Variants in NEURL1 observed in about 807,000 individuals in gnomAD.
NEURL1 encodes the protein neuralized E3 ubiquitin protein ligase 1.
NEURL1 carries 26 observed loss-of-function variants against 41.2 expected under a neutral mutation model. The ratio of observed to expected loss-of-function variants is 0.63; its 90% CI spans 0.46 to 0.87. NEURL1 has a LOEUF of 0.87. Among genes scored for constraint, NEURL1 ranks in the 40% least tolerant of loss-of-function variants. The pLI is 0.00. For synonymous variants in NEURL1, 400 were observed against 402.3 expected, an observed-to-expected ratio of 0.99 and a Z score of 0.07; for missense variants, 761 against 871.1, an observed-to-expected ratio of 0.87 and a Z score of 1.59.
chr10:103,505,311 T>G (rs2033923129), intron 1 of NEURL1, among the ~76,000 whole-genome samples: 1 of 150,852 alleles, frequency 6.6e-6, no homozygotes, highest in Non-Finnish European at 1.5e-5. Flanking sequence ...GCAACCTCCA[T>G]GTCTGGGTTC....
Position 103,559,512 on chromosome 10 carries a change from A to AGG in NEURL1, c.86-11358_86-11357dup, listed in dbSNP as rs777082741. Among the ~76,000 whole-genome samples, 69 of 148,760 alleles carry AGG rather than the reference A, an allele frequency of 4.6e-4. 1 individual carries two copies. Among genetic ancestry groups the AGG allele is most frequent in the Non-Finnish European group, 2.5e-4 (17 of 67,112 alleles). ...GGGTAGCCATCAGGGAGGTGAGGCCAGGGCTGGGCAGTGAGGCCAGGCAGT... is the reference window on the plus strand; with the variant it reads ...GGGTAGCCATCAGGGAGGTGAGGCCAGGGGGCTGGGCAGTGAGGCCAGGCAGT... On this transcript the variant is annotated intron_variant, in intron 1 of 5. Transcript: ENST00000369780.
At chr10:103,561,801 C>T (rs2035298772) in intron 1 of NEURL1, among the ~76,000 whole-genome samples, 2 of 152,164 alleles carry the variant, frequency 1.3e-5, no homozygotes, top group African/African-American at 4.8e-5. Context: ...TCATGGCCTT[C>T]CTTATCTGCT....
At chr10:103,575,605 G>A (rs372930734) in intron 3 of NEURL1, among the ~76,000 whole-genome samples, 1 of 150,920 alleles carries the variant, frequency 6.6e-6, no homozygotes, top group Admixed American at 6.6e-5. Context: ...CCCAGTGGAC[G>A]GTCCTCCCTG....
chr10:103,552,965 G>C (rs928266299), intron 1 of NEURL1, among the ~76,000 whole-genome samples: 11 of 152,326 alleles, frequency 7.2e-5, no homozygotes, highest in Admixed American at 6.5e-4. Flanking sequence ...GTGATGGGAA[G>C]GGGGCATTCC....
At chr10:103,513,540 C>T (rs997878477) in intron 1 of NEURL1, among the ~76,000 whole-genome samples, 5 of 152,212 alleles carry the variant, frequency 3.3e-5, no homozygotes, top group Non-Finnish European at 7.3e-5. Context: ...TGCGGACAGC[C>T]GCGAGCCACG....
At position 103,590,625 on chromosome 10, in the gene NEURL1, A is replaced by T. The variant is rs1212848618; in HGVS notation, c.*253A>T. The T allele has an allele frequency of 3.7e-6, 2 of 542,998 alleles. No individual in the cohort carries two copies. Among genetic ancestry groups the T allele is most frequent in the East Asian group, 6.3e-5 (2 of 31,638 alleles). 33.6% of individuals were successfully genotyped at this position (542,998 alleles called of 1,614,324 possible). On this transcript the variant is annotated 3_prime_UTR_variant, in exon 6 of 6. Coordinates refer to ENST00000369780, the MANE Select transcript of NEURL1 (RefSeq NM_004210.5). ...CTCTCCCTGTCTCTCCCGTCTCTGC[A>T]CCCAGCTCCTCTCTGCATGCTGAGG...
intron 1 of NEURL1, among the ~76,000 whole-genome samples, chr10:103,549,552 C>A (rs565178347): frequency 6.6e-6 from 1 of 152,204 alleles, no homozygotes; most frequent in Admixed American, 6.5e-5. Context: ...CTGCCAGGCC[C>A]AGCCTAATGA....
intron 4 of NEURL1, among the ~76,000 whole-genome samples, chr10:103,588,231 G>A (rs1361544810): frequency 6.6e-6 from 1 of 151,794 alleles, no homozygotes; most frequent in African/African-American, 2.4e-5. Flanking sequence ...GTGTGAACCC[G>A]GGAGGTGGAG....
At chr10:103,576,110 G>A (rs2035657474) in intron 3 of NEURL1, among the ~76,000 whole-genome samples, 1 of 152,196 alleles carries the variant, frequency 6.6e-6, no homozygotes, top group Admixed American at 6.5e-5. Flanking sequence ...TTTCCCTGGG[G>A]GACACATCAT....
Position 103,558,033 on chromosome 10 carries a change from C to A in NEURL1, c.86-12839C>A. On this transcript the variant is annotated intron_variant, in intron 1 of 5. Transcript: ENST00000369780. This position sits in a 1 kb window ranked among gnomAD's most constrained non-coding sequence, Gnocchi z 4.2. Reference sequence around the variant, plus strand: ...AGCTGGGATCACAGGCACCCACCACCATGCCCGGCTAATTTTTTGTATTTT... The same window carrying A: ...AGCTGGGATCACAGGCACCCACCACAATGCCCGGCTAATTTTTTGTATTTT... 4.7e-6 allele frequency: 1 copy of A among 214,418 alleles called. No homozygotes were observed. Among genetic ancestry groups the A allele is most frequent in the African/African-American group, 2.3e-5 (1 of 42,734 alleles). The allele number at this position is 214,418 out of a possible 1,614,324, so 13.3% of individuals were successfully genotyped here.
At position 103,507,595 on chromosome 10, in the gene NEURL1, C is replaced by A. The variant is rs531425185; in HGVS notation, c.85+13123C>A. Among the ~76,000 whole-genome samples the A allele has an allele frequency of 2.0e-5, 3 of 152,236 alleles. No individual in the cohort carries two copies. In the East Asian group the frequency reaches 5.8e-4, roughly 29 times the overall value. On this transcript the variant is annotated intron_variant, in intron 1 of 5. Coordinates refer to ENST00000369780, the MANE Select transcript of NEURL1 (RefSeq NM_004210.5). ...GCAGTGGTCAACATGCACCTGGGGG[C>A]TCTGTGGAAGGTCAGGGTGTGCACA...
At chr10:103,498,069 A>G (rs2033728965) in intron 1 of NEURL1, among the ~76,000 whole-genome samples, 1 of 152,160 alleles carries the variant, frequency 6.6e-6, no homozygotes, top group Non-Finnish European at 1.5e-5. Context: ...AATAGAAAGT[A>G]TATGTATATG....
chr10:103,571,592 A>C lies in NEURL1; in HGVS notation c.419A>C (p.Lys140Thr). 1 of 1,613,988 alleles carries C rather than the reference A, an allele frequency of 6.2e-7. No homozygotes were observed. Among genetic ancestry groups the C allele is most frequent in the African/African-American group, 1.3e-5 (1 of 75,044 alleles). ...PSRIHPDSLP[K>T]YACPDLVSQS... ...CGCATCCACCCTGACTCGCTGCCCA[A>C]GTACGCCTGCCCCGACCTGGTGTCC... is the stretch of plus-strand genomic sequence containing the variant. The change falls in exon 3 of 6, where the codon AAG becomes ACG. Residue 140 changes from lysine (K) to threonine (T), a missense_variant. Physicochemically the swap from Lys to Thr is moderately conservative, Grantham distance 78 (BLOSUM62 -1). Coordinates refer to ENST00000369780, the MANE Select transcript of NEURL1 (RefSeq NM_004210.5).
chr10:103,575,489 T>G (rs907082830), intron 3 of NEURL1, among the ~76,000 whole-genome samples: 1 of 152,236 alleles, frequency 6.6e-6, no homozygotes, highest in Non-Finnish European at 1.5e-5. Context: ...TGTTTGTTCC[T>G]TAGACCAGAG....
At chr10:103,512,371 T>G (rs2034092904) in intron 1 of NEURL1, among the ~76,000 whole-genome samples, 4 of 152,204 alleles carry the variant, frequency 2.6e-5, no homozygotes, top group African/African-American at 7.2e-5. Context: ...AGTGACAGTG[T>G]GGCCTGAGGC....
At chr10:103,522,335 T>A (rs946881980) in intron 1 of NEURL1, among the ~76,000 whole-genome samples, 10 of 151,884 alleles carry the variant, frequency 6.6e-5, no homozygotes, top group African/African-American at 2.4e-4. Flanking sequence ...TTGCCAGGGA[T>A]GGTGGCTCAC....
Position 103,522,068 on chromosome 10 carries a change from G to A in NEURL1, c.85+27596G>A, listed in dbSNP as rs542783584. 6.0e-4 allele frequency among the ~76,000 whole-genome samples: 92 copies of A among 152,290 alleles called. 1 individual carries two copies. Among genetic ancestry groups the A allele is most frequent in the South Asian group, 1.2e-3 (6 of 4,822 alleles). The stretch of plus-strand genomic sequence containing the variant: ...CTCAGTGGGGGAGCTTCTGAGCCAG[G>A]AGGAGGAATTTCACAAGGTTAATCA... On this transcript the variant is annotated intron_variant, in intron 1 of 5. Coordinates refer to ENST00000369780, the MANE Select transcript of NEURL1 (RefSeq NM_004210.5).
intron 1 of NEURL1, chr10:103,555,249 C>T: frequency 1.0e-6 from 1 of 990,064 alleles, no homozygotes; most frequent in Non-Finnish European, 1.2e-6. Flanking sequence ...CGGGAGGGGC[C>T]TCGGCCCTGC....
At chr10:103,579,932 C>T (rs1003183829) in intron 3 of NEURL1, among the ~76,000 whole-genome samples, 24 of 152,098 alleles carry the variant, frequency 1.6e-4, no homozygotes, top group African/African-American at 1.9e-4. Flanking sequence ...GGGAACAGAG[C>T]GAGACCCCGT....
Sources: allele counts gnomAD v4.1 joint callset (sites outside exome capture counted in the v4.1 genomes callset), GRCh38; gene constraint gnomAD v4.1.1; non-coding constraint Gnocchi (gnomAD v3.1); transcripts MANE v1.5; gene names NCBI Gene and HGNC (gene_info 2026-07-23, HGNC 2026-07-21).